The following DIS3L2 variants were observed in gnomAD, a reference collection of about 807,000 sequenced individuals.
DIS3L2 encodes the protein DIS3 like 3'-5' exoribonuclease 2, also known as DIS3-like exonuclease 2.
DIS3L2 carries 34 observed loss-of-function variants against 97.5 expected under a neutral mutation model. The observed-to-expected ratio is 0.35, with a 90% CI of 0.27 to 0.46. The LOEUF (loss-of-function observed/expected upper bound fraction) is 0.46. Among genes scored for constraint, DIS3L2 ranks in the 20% least tolerant of loss-of-function variants. The pLI is 1.00. For synonymous variants in DIS3L2, 435 were observed against 445.2 expected (o/e 0.98, Z 0.29); for missense variants, 1,038 against 1,146.0 (o/e 0.91, Z 1.36).
chr2:231,983,447 C>T (rs189365007), intron 1 of DIS3L2, among the ~76,000 whole-genome samples: 56 of 152,256 alleles, frequency 3.7e-4, no homozygotes, highest in African/African-American at 1.3e-3. Context: ...TGGGCCACAA[C>T]AGCAGGGGAT....
intron 6 of DIS3L2, among the ~76,000 whole-genome samples, chr2:232,125,494 C>G (rs1182536568): frequency 2.0e-5 from 3 of 152,206 alleles, no homozygotes; most frequent in South Asian, 2.1e-4. Context: ...TGCTGTCATT[C>G]ACTGGCTCCC....
chr2:232,067,933 G>A (rs1452529688), intron 5 of DIS3L2, among the ~76,000 whole-genome samples: 2 of 152,078 alleles, frequency 1.3e-5, no homozygotes, highest in East Asian at 3.9e-4. Flanking sequence ...TTCAAAGATG[G>A]GAGGTAATAG....
At chr2:232,168,173 A>G (rs1019628878) in intron 9 of DIS3L2, among the ~76,000 whole-genome samples, 7 of 152,252 alleles carry the variant, frequency 4.6e-5, no homozygotes, top group African/African-American at 1.7e-4. Context: ...AAGTATTTCA[A>G]AACATCCATT....
At chr2:232,028,536 CA>C (rs1394914141) in intron 4 of DIS3L2, among the ~76,000 whole-genome samples, 1 of 152,132 alleles carries the variant, frequency 6.6e-6, no homozygotes, top group African/African-American at 2.4e-5. Context: ...ATCATCCCAT[CA>C]ATCTGAAATC....
chr2:232,209,832 T>G (rs916059822), intron 9 of DIS3L2, among the ~76,000 whole-genome samples: 3 of 152,242 alleles, frequency 2.0e-5, no homozygotes, highest in Non-Finnish European at 4.4e-5. Context: ...ATATAATTAT[T>G]CTGTGGAAAC....
intron 3 of DIS3L2, among the ~76,000 whole-genome samples, chr2:232,019,180 A>T (rs1023733979): frequency 1.3e-5 from 2 of 152,168 alleles, no homozygotes; most frequent in African/African-American, 4.8e-5. Flanking sequence ...TGAAGTTGTT[A>T]TTGGCTCTCT....
chr2:231,985,347 T>C (rs910377158), intron 1 of DIS3L2, among the ~76,000 whole-genome samples: 2 of 152,244 alleles, frequency 1.3e-5, no homozygotes, highest in African/African-American at 4.8e-5. Flanking sequence ...ACCTTTGAGA[T>C]TGACTTTTCT....
chr2:231,967,501 T>A (rs1022875813), intron 1 of DIS3L2, among the ~76,000 whole-genome samples: 2 of 152,354 alleles, frequency 1.3e-5, no homozygotes, highest in Admixed American at 1.3e-4. Context: ...TTAGCTTTAA[T>A]CACTTTTAAA....
At chr2:231,981,947 T>A (rs1559512781) in intron 1 of DIS3L2, among the ~76,000 whole-genome samples, 1 of 151,276 alleles carries the variant, frequency 6.6e-6, no homozygotes, top group African/African-American at 2.4e-5. Context: ...GGCATGAGAA[T>A]CGCTTGAACC....
At chr2:232,206,808 G>T (rs1016812619) in intron 9 of DIS3L2, among the ~76,000 whole-genome samples, 3 of 152,114 alleles carry the variant, frequency 2.0e-5, no homozygotes, top group Non-Finnish European at 2.9e-5. Context: ...AGTCCTTACA[G>T]GCTAGTCTAG....
intron 10 of DIS3L2, among the ~76,000 whole-genome samples, chr2:232,224,108 G>A (rs1382120302): frequency 2.6e-5 from 4 of 152,168 alleles, no homozygotes; most frequent in African/African-American, 9.7e-5. Flanking sequence ...TGGAATTGTA[G>A]TAAGGGTTAT....
rs917126944 is a variant in DIS3L2, at chr2:232,269,128, G to C, written c.1659+5688G>C. Among the ~76,000 whole-genome samples the C allele has an allele frequency of 3.9e-5, 6 of 152,210 alleles. No individual in the cohort carries two copies. The highest frequency in any genetic ancestry group is 3.3e-4 in the Admixed American group (5 of 15,286). ...GAGATGCTGGCTCTGCCTCGTGTAG[G>C]TGCGCTGAAGGTGGGGACTGCTCAT... On this transcript the variant is annotated intron_variant, in intron 13 of 20. Transcript: ENST00000325385. The surrounding 1 kb of genome is among the most constrained non-coding windows in gnomAD (Gnocchi z 4.5).
intron 1 of DIS3L2, among the ~76,000 whole-genome samples, chr2:231,979,237 A>G (rs898208692): frequency 6.6e-6 from 1 of 151,690 alleles, no homozygotes. Context: ...AGTTTATTTT[A>G]TTTATTTATT....
intron 1 of DIS3L2, among the ~76,000 whole-genome samples, chr2:231,984,496 C>T (rs901669340): frequency 2.4e-4 from 36 of 151,212 alleles, no homozygotes; most frequent in Non-Finnish European, 4.7e-4. Context: ...ACGCCATTCT[C>T]CTGCCTCAGC....
intron 6 of DIS3L2, among the ~76,000 whole-genome samples, chr2:232,108,865 T>C (rs1285161379): frequency 1.3e-5 from 2 of 152,152 alleles, no homozygotes; most frequent in Non-Finnish European, 2.9e-5. Context: ...GTGAAGGACC[T>C]ATTCAAGGAG....
downstream of DIS3L2, among the ~76,000 whole-genome samples, chr2:232,337,842 C>T (rs1334365939): frequency 1.3e-5 from 2 of 151,626 alleles, no homozygotes; most frequent in Non-Finnish European, 2.9e-5. Flanking sequence ...GTCCTGCCAC[C>T]GTCAGACGGG....
At chr2:232,027,617 C>T (rs995713699) in intron 4 of DIS3L2, among the ~76,000 whole-genome samples, 4 of 152,168 alleles carry the variant, frequency 2.6e-5, no homozygotes. Context: ...ATTTGCTATG[C>T]TAAAATATCT....
intron 1 of DIS3L2, among the ~76,000 whole-genome samples, chr2:231,989,115 A>T (rs1468184639): frequency 1.3e-5 from 2 of 152,262 alleles, no homozygotes; most frequent in East Asian, 3.9e-4. Flanking sequence ...TTATGCGTGT[A>T]GATAGTGGGT....
chr2:232,054,846 A>G (rs1695500847), intron 5 of DIS3L2, among the ~76,000 whole-genome samples: 1 of 152,214 alleles, frequency 6.6e-6, no homozygotes, highest in African/African-American at 2.4e-5. Context: ...CACAGATACA[A>G]ATATCCTAAA....
Sources: allele counts gnomAD v4.1 joint callset (sites outside exome capture counted in the v4.1 genomes callset), GRCh38; gene constraint gnomAD v4.1.1; non-coding constraint Gnocchi (gnomAD v3.1); transcripts MANE v1.5; gene names NCBI Gene and HGNC (gene_info 2026-07-23, HGNC 2026-07-21).